The following KDM7A variants were observed in gnomAD, a reference collection of about 807,000 sequenced individuals.
KDM7A encodes lysine demethylase 7A, also known as lysine-specific demethylase 7A.
Under a neutral mutation model 114.8 loss-of-function variants are expected in KDM7A, and 28 were observed. The ratio of observed to expected loss-of-function variants is 0.24; its 90% CI spans 0.18 to 0.33. The LOEUF is 0.33. Ranked by LOEUF, KDM7A falls within the 10% of genes least tolerant of loss-of-function variation. KDM7A has a pLI of 1.00. For missense variants in KDM7A, 942 were observed against 1,142.5 expected (o/e 0.82, Z 2.53); for synonymous variants, 423 against 397.8 (o/e 1.06, Z -0.75).
chr7:140,168,842 T>C (rs1472168512), intron 1 of KDM7A, among the ~76,000 whole-genome samples: 1 of 152,238 alleles, frequency 6.6e-6, no homozygotes, highest in Non-Finnish European at 1.5e-5. Flanking sequence ...AAATATGTTG[T>C]AGATAATGAC....
chr7:140,101,944 T>TA lies in KDM7A; in HGVS notation c.1638+6dup. On this transcript the variant is annotated splice_region_variant and intron_variant, in intron 12 of 19. Coordinates refer to ENST00000397560, the MANE Select transcript of KDM7A (RefSeq NM_030647.2). Reference sequence around the variant, plus strand: ...TTCTTTTTGTTGTCATGAAACATAATACTTGCCTCTTCCCATGGACACATC... The same window carrying TA: ...TTCTTTTTGTTGTCATGAAACATAATAACTTGCCTCTTCCCATGGACACATC... The TA allele has an allele frequency of 6.3e-7, 1 of 1,584,368 alleles. No homozygotes were observed. The highest frequency in any genetic ancestry group is 1.7e-4 in the Middle Eastern group (1 of 5,966).
chr7:140,156,784 A>C (rs773234318), intron 1 of KDM7A, among the ~76,000 whole-genome samples: 21 of 152,232 alleles, frequency 1.4e-4, no homozygotes, highest in Non-Finnish European at 3.1e-4. Flanking sequence ...TGCTTTCAGC[A>C]AGAAGTATTT....
intron 1 of KDM7A, among the ~76,000 whole-genome samples, chr7:140,164,790 T>C (rs543388868): frequency 2.0e-5 from 3 of 152,336 alleles, no homozygotes; most frequent in African/African-American, 7.2e-5. Flanking sequence ...TGCTTCAAAG[T>C]AGCCAGGTAA....
chr7:140,168,108 T>A (rs114914868), intron 1 of KDM7A, among the ~76,000 whole-genome samples: 398 of 152,292 alleles, frequency 2.6e-3, no homozygotes, highest in African/African-American at 7.7e-3. Flanking sequence ...TGACAACACA[T>A]CCTGATGACA....
intron 17 of KDM7A, among the ~76,000 whole-genome samples, chr7:140,095,299 T>TA (rs1366871829): frequency 1.3e-5 from 2 of 152,214 alleles, no homozygotes; most frequent in African/African-American, 4.8e-5. Context: ...TTCAAGGGAC[T>TA]AAAGGAAGAC....
intron 11 of KDM7A, among the ~76,000 whole-genome samples, chr7:140,104,300 A>C (rs1418831475): frequency 6.6e-6 from 1 of 152,100 alleles, no homozygotes; most frequent in Non-Finnish European, 1.5e-5. Context: ...TGCTGTGCAG[A>C]AGCTCTTTAA....
intron 11 of KDM7A, among the ~76,000 whole-genome samples, chr7:140,105,098 T>G (rs915701220): frequency 6.6e-6 from 1 of 152,176 alleles, no homozygotes; most frequent in Non-Finnish European, 1.5e-5. Context: ...TTGTCTGTTA[T>G]TGGTGTATAG....
chr7:140,168,181 T>C (rs1794598775), intron 1 of KDM7A, among the ~76,000 whole-genome samples: 1 of 152,220 alleles, frequency 6.6e-6, no homozygotes, highest in African/African-American at 2.4e-5. Flanking sequence ...CCAACCATTC[T>C]AGAGAGAAAT....
intron 7 of KDM7A, among the ~76,000 whole-genome samples, chr7:140,123,635 T>C (rs1223434597): frequency 6.6e-6 from 1 of 152,088 alleles, no homozygotes; most frequent in Non-Finnish European, 1.5e-5. Context: ...CTTTTGAGGG[T>C]CATGCAGATG....
intron 11 of KDM7A, among the ~76,000 whole-genome samples, chr7:140,105,545 T>C (rs934405472): frequency 6.6e-6 from 1 of 152,236 alleles, no homozygotes; most frequent in African/African-American, 2.4e-5. Context: ...ATTGAGATAA[T>C]CATGTGGTTT....
At position 140,099,549 on chromosome 7, in the gene KDM7A, G is replaced by T. The variant is rs556881084; in HGVS notation, c.1763+350C>A. On this transcript the variant is annotated intron_variant, in intron 13 of 19. Coordinates refer to ENST00000397560, the MANE Select transcript of KDM7A (RefSeq NM_030647.2). ...CTGGGCCATAGACTGGTACCAGTCC[G>T]TGGCCTGTTAGGAACCAGGCCACAC... Among the ~76,000 whole-genome samples the T allele has an allele frequency of 5.9e-5, 9 of 152,190 alleles. No individual in the cohort carries two copies. The East Asian group carries it at 1.7e-3, about 29-fold the overall frequency.
At chr7:140,124,122 G>A (rs551232790) in intron 7 of KDM7A, among the ~76,000 whole-genome samples, 3 of 151,362 alleles carry the variant, frequency 2.0e-5, no homozygotes, top group East Asian at 1.9e-4. Context: ...GAAGCTAGAC[G>A]CAAAAGCCCA....
At chr7:140,126,094 G>C (rs1416928850) in intron 6 of KDM7A, among the ~76,000 whole-genome samples, 1 of 152,092 alleles carries the variant, frequency 6.6e-6, no homozygotes, top group Non-Finnish European at 1.5e-5. Context: ...TATTTTTAGA[G>C]ACAGGGTCTC....
chr7:140,093,422 C>T lies in KDM7A; in HGVS notation c.2457+634G>A, dbSNP rs140535228. ...ACTAGAGGCAATATTTCTGCCTTTG[C>T]TGATTTACTTTCTTTCTTATGTGTG... On this transcript the variant is annotated intron_variant, in intron 18 of 19. Coordinates refer to ENST00000397560, the MANE Select transcript of KDM7A (RefSeq NM_030647.2). 4.4e-3 allele frequency among the ~76,000 whole-genome samples: 673 copies of T among 152,288 alleles called. 7 individuals are homozygous for T. The highest frequency in any genetic ancestry group is 0.015 in the African/African-American group (625 of 41,566).
chr7:140,118,798 G>A (rs1259157898), intron 9 of KDM7A, among the ~76,000 whole-genome samples: 1 of 152,112 alleles, frequency 6.6e-6, no homozygotes, highest in Non-Finnish European at 1.5e-5. Context: ...TGAGAGTCAG[G>A]CACTGTTACG....
intron 1 of KDM7A, among the ~76,000 whole-genome samples, chr7:140,160,903 AG>A (rs1794511999): frequency 6.6e-6 from 1 of 152,160 alleles, no homozygotes; most frequent in African/African-American, 2.4e-5. Flanking sequence ...ACCAAACAGA[AG>A]GGACTGCGTT....
At chr7:140,108,790 T>G (rs1585143491) in intron 11 of KDM7A, among the ~76,000 whole-genome samples, 1 of 152,346 alleles carries the variant, frequency 6.6e-6, no homozygotes, top group East Asian at 1.9e-4. Flanking sequence ...CACTACTCTC[T>G]TCAAAGCTGT....
At chr7:140,114,961 G>A (rs902115557) in intron 9 of KDM7A, among the ~76,000 whole-genome samples, 1 of 151,578 alleles carries the variant, frequency 6.6e-6, no homozygotes, top group East Asian at 2.0e-4. Flanking sequence ...TAACTGAGGA[G>A]CCCCTCCGCC....
At chr7:140,130,210 G>A (rs868647592) in intron 3 of KDM7A, among the ~76,000 whole-genome samples, 48 of 152,230 alleles carry the variant, frequency 3.2e-4, no homozygotes, top group Non-Finnish European at 5.7e-4. Context: ...ATAATAGGAT[G>A]CTTACAACTA....
Sources: allele counts gnomAD v4.1 joint callset (sites outside exome capture counted in the v4.1 genomes callset), GRCh38; gene constraint gnomAD v4.1.1; transcripts MANE v1.5; gene names NCBI Gene and HGNC (gene_info 2026-07-23, HGNC 2026-07-21).